The following PLCB1 variants were observed in gnomAD, a reference collection of about 807,000 sequenced individuals.
PLCB1 encodes the protein phospholipase C beta 1, also known as 1-phosphatidylinositol 4,5-bisphosphate phosphodiesterase beta-1.
Under a neutral mutation model 161.8 loss-of-function variants are expected in PLCB1, and 46 were observed. The ratio of observed to expected loss-of-function variants is 0.28; its 90% confidence interval spans 0.22 to 0.36. PLCB1 has a LOEUF of 0.36. Among genes scored for constraint, PLCB1 ranks in the 10% least tolerant of loss-of-function variants. PLCB1 has a pLI of 1.00. For synonymous variants in PLCB1, 517 were observed against 503.7 expected, an observed-to-expected ratio of 1.03 and a Z score of -0.35; for missense variants, 1,016 against 1,472.5, an observed-to-expected ratio of 0.69 and a Z score of 5.07.
At chr20:8,445,628 T>C (rs1980789073) in intron 3 of PLCB1, among the ~76,000 whole-genome samples, 1 of 152,212 alleles carries the variant, frequency 6.6e-6, no homozygotes, top group Non-Finnish European at 1.5e-5. Flanking sequence ...ATCTATAAAT[T>C]ACCTTGAGCA....
chr20:8,150,757 C>T (rs1308173479), intron 2 of PLCB1, among the ~76,000 whole-genome samples: 2 of 152,114 alleles, frequency 1.3e-5, no homozygotes, highest in Non-Finnish European at 2.9e-5. Context: ...TACCCCTTGG[C>T]TTTTCTTTCT....
chr20:8,538,598 C>G (rs1172690078), intron 3 of PLCB1, among the ~76,000 whole-genome samples: 1 of 152,156 alleles, frequency 6.6e-6, no homozygotes, highest in Non-Finnish European at 1.5e-5. Context: ...ATCCTCCTGC[C>G]TTGGGCTACT....
chr20:8,734,162 T>TAAAAAAAAAAAAAAAAAAAAA (rs1555786806), intron 19 of PLCB1, among the ~76,000 whole-genome samples: 1 of 71,210 alleles, frequency 1.4e-5, no homozygotes, highest in African/African-American at 4.2e-5. Context: ...AAAAAAAAAG[T>TAAAAAAAAAAAAAAAAAAAAA]TTTCATAGGC....
At chr20:8,470,244 T>TTG (rs977806679) in intron 3 of PLCB1, among the ~76,000 whole-genome samples, 8 of 152,300 alleles carry the variant, frequency 5.3e-5, no homozygotes, top group African/African-American at 1.9e-4. Context: ...GTACAAGCTT[T>TTG]TGTGAGGACA....
In PLCB1 at chr20:8,852,383, G is replaced by A. The variant is rs934103362; in HGVS notation, c.3424-29239G>A. Among the ~76,000 whole-genome samples the A allele has an allele frequency of 4.6e-5, 7 of 152,186 alleles. No individual in the cohort carries two copies. In the South Asian group the frequency reaches 8.3e-4, roughly 18 times the overall value. On this transcript the variant is annotated intron_variant, in intron 31 of 31. Coordinates refer to ENST00000338037, the MANE Select transcript of PLCB1 (RefSeq NM_015192.4). ...ACCAATTCTGTCCAATCCAGTCTGA[G>A]TCTAATGACAGAAACTACTCTGAGT... is the stretch of plus-strand genomic sequence containing the variant.
chr20:8,300,854 T>G (rs772985837), intron 2 of PLCB1, among the ~76,000 whole-genome samples: 20 of 152,132 alleles, frequency 1.3e-4, no homozygotes, highest in Non-Finnish European at 2.1e-4. Flanking sequence ...GCAGATGATA[T>G]ATCCTCACTA....
intron 27 of PLCB1, among the ~76,000 whole-genome samples, chr20:8,787,703 A>T (rs968728255): frequency 6.6e-6 from 1 of 152,260 alleles, no homozygotes; most frequent in African/African-American, 2.4e-5. Context: ...GCATCAAGTG[A>T]ATATTAGGAA....
rs3033840 is a variant in PLCB1 at position 8,759,896 on chromosome 20, A to ATTTTTTTTTTTTTTT, written c.2657-503_2657-489dup. Among the ~76,000 whole-genome samples, 20 of 78,268 alleles carry ATTTTTTTTTTTTTTT rather than the reference A, an allele frequency of 2.6e-4. 3 individuals are homozygous for ATTTTTTTTTTTTTTT. Among genetic ancestry groups the ATTTTTTTTTTTTTTT allele is most frequent in the African/African-American group, 9.7e-4 (19 of 19,566 alleles). 51.3% of individuals were successfully genotyped at this position (78,268 alleles called of 152,430 possible). ...TTATAAATGGGGCATATAATATCACATTTTTTTTTTTTTTTTTTTTTTGGA... is the reference window on the plus strand; with the variant it reads ...TTATAAATGGGGCATATAATATCACATTTTTTTTTTTTTTTTTTTTTTTTTTTTTTTTTTTTTGGA... On this transcript the variant is annotated intron_variant, in intron 24 of 31. Coordinates refer to ENST00000338037, the MANE Select transcript of PLCB1 (RefSeq NM_015192.4).
chr20:8,811,016 TGAGAAACAAAAAAGG>T (rs1568608631), intron 31 of PLCB1, among the ~76,000 whole-genome samples: 1 of 151,622 alleles, frequency 6.6e-6, no homozygotes. Flanking sequence ...AAAAAGCAAG[TGAGAAACAAAAAAGG>T]GACCACCTAT....
Position 8,698,550 on chromosome 20 carries a change from G to A in PLCB1, c.1167+767G>A, listed in dbSNP as rs567676939. On this transcript the variant is annotated intron_variant, in intron 11 of 31. Transcript: ENST00000338037. ...TGATGCTATCTTTTGGAATGTTGAC[G>A]TCTATCAGTCAAAGACCCCTAGGAA... Among the ~76,000 whole-genome samples, 7 of 152,158 alleles carry A rather than the reference G, an allele frequency of 4.6e-5. No individual in the cohort carries two copies. In the East Asian group the frequency reaches 5.8e-4, roughly 13 times the overall value.
intron 3 of PLCB1, among the ~76,000 whole-genome samples, chr20:8,566,292 A>G (rs1986331540): frequency 6.6e-6 from 1 of 152,268 alleles, no homozygotes; most frequent in East Asian, 1.9e-4. Context: ...TAGCAAGTGA[A>G]TGGGTGGACG....
At chr20:8,353,464 AAG>A (rs985564712) in intron 2 of PLCB1, among the ~76,000 whole-genome samples, 1 of 152,062 alleles carries the variant, frequency 6.6e-6, no homozygotes, top group Non-Finnish European at 1.5e-5. Context: ...ACAATATGGA[AAG>A]AGGGGATAAA....
intron 3 of PLCB1, among the ~76,000 whole-genome samples, chr20:8,408,107 T>A (rs1978866036): frequency 1.3e-5 from 2 of 152,184 alleles, no homozygotes; most frequent in Admixed American, 6.5e-5. Flanking sequence ...ATATCAATAT[T>A]GGTTGATTGA....
chr20:8,602,946 G>T (rs1474269768), intron 3 of PLCB1, among the ~76,000 whole-genome samples: 2 of 152,156 alleles, frequency 1.3e-5, no homozygotes, highest in African/African-American at 4.8e-5. Flanking sequence ...CCAGCATTTT[G>T]TCTGTCTAGT....
At chr20:8,404,229 A>G (rs113992268) in intron 3 of PLCB1, among the ~76,000 whole-genome samples, 1 of 152,176 alleles carries the variant, frequency 6.6e-6, no homozygotes, top group African/African-American at 2.4e-5. Context: ...TAACTGACCT[A>G]TGTTTTTGTT....
intron 3 of PLCB1, among the ~76,000 whole-genome samples, chr20:8,604,186 G>A (rs1431436457): frequency 2.0e-5 from 3 of 148,196 alleles, no homozygotes; most frequent in Admixed American, 6.8e-5. Flanking sequence ...CCGGGAAGTG[G>A]AGGTTGCAGT....
chr20:8,219,574 AT>A (rs1979303858), intron 2 of PLCB1, among the ~76,000 whole-genome samples: 1 of 152,186 alleles, frequency 6.6e-6, no homozygotes, highest in African/African-American at 2.4e-5. Context: ...TAGTTTGTTG[AT>A]GTAAGATACT....
chr20:8,865,359 C>A (rs6516415), intron 31 of PLCB1, among the ~76,000 whole-genome samples: 50,328 of 151,978 alleles, frequency 0.33, 8,486 homozygotes, highest in Middle Eastern at 0.49. Context: ...AGAGGCCATC[C>A]TTATGGCATA....
intron 2 of PLCB1, among the ~76,000 whole-genome samples, chr20:8,328,673 C>G (rs1985249158): frequency 1.3e-5 from 2 of 151,968 alleles, no homozygotes; most frequent in Non-Finnish European, 2.9e-5. Context: ...CCTACTGCCA[C>G]TCTAATATGC....
Sources: allele counts gnomAD v4.1 joint callset (sites outside exome capture counted in the v4.1 genomes callset), GRCh38; gene constraint gnomAD v4.1.1; transcripts MANE v1.5; gene names NCBI Gene and HGNC (gene_info 2026-07-23, HGNC 2026-07-21).